LYPLAL1: variants seen among roughly 807,000 people sequenced by gnomAD.
LYPLAL1 encodes the protein lysophospholipase-like protein 1.
LYPLAL1 carries 23 observed loss-of-function variants against 19.7 expected under a neutral mutation model. That is an observed-to-expected ratio of 1.17 (90% CI 0.84 to 1.65). The LOEUF (loss-of-function observed/expected upper bound fraction) is 1.65, where lower values mean the gene tolerates loss of function less well. LYPLAL1 is among the 40% of genes most tolerant of loss of function. The probability of loss-of-function intolerance (pLI) is 0.00; values close to 1 mark genes in which losing one functional copy is unlikely to be tolerated. For missense variants in LYPLAL1, 355 were observed against 279.4 expected (o/e 1.27, Z -1.93); for synonymous variants, 119 against 96.3 (o/e 1.24, Z -1.38).
the LYPLAL1 span, among the ~76,000 whole-genome samples, chr1:219,383,604 T>C: frequency 6.6e-6 from 1 of 152,292 alleles, no homozygotes; most frequent in African/African-American, 2.4e-5. Context: ...ATACATTCAG[T>C]CAGTAGTTCA....
intron 2 of LYPLAL1, among the ~76,000 whole-genome samples, chr1:219,186,305 C>G (rs543665484): frequency 6.6e-6 from 1 of 151,840 alleles, no homozygotes; most frequent in South Asian, 2.1e-4. Flanking sequence ...TTCTGCGTGT[C>G]ACGTTCTATA....
the LYPLAL1 span, among the ~76,000 whole-genome samples, chr1:219,405,610 G>A: frequency 0.21 from 31,407 of 152,038 alleles, 3,586 homozygotes; most frequent in Middle Eastern, 0.36. Context: ...CCAGAACAGC[G>A]CATTACTATA....
At chr1:219,231,252 A>G in the LYPLAL1 span, among the ~76,000 whole-genome samples, 6 of 152,314 alleles carry the variant, frequency 3.9e-5, no homozygotes, top group African/African-American at 1.4e-4. Context: ...GAATGTAGAA[A>G]GGGTTGTTTG....
At chr1:219,408,659 G>T in the LYPLAL1 span, among the ~76,000 whole-genome samples, 1 of 152,106 alleles carries the variant, frequency 6.6e-6, no homozygotes, top group African/African-American at 2.4e-5. Context: ...TTCCAGGAGG[G>T]TATGCTTAAA....
At chr1:219,208,686 A>C (rs1658765183) in intron 3 of LYPLAL1, among the ~76,000 whole-genome samples, 1 of 152,014 alleles carries the variant, frequency 6.6e-6, no homozygotes, top group Non-Finnish European at 1.5e-5. Context: ...TCTTACCCTT[A>C]AGGGTTTCAA....
intron 1 of LYPLAL1, among the ~76,000 whole-genome samples, chr1:219,175,555 A>C (rs1300475600): frequency 6.6e-6 from 1 of 152,142 alleles, no homozygotes; most frequent in Non-Finnish European, 1.5e-5. Context: ...ATTTCAGATT[A>C]CATTTTTATA....
Position 219,211,636 on chromosome 1 carries a change from A to C in LYPLAL1, c.622A>C (p.Asn208His), listed in dbSNP as rs774144709. 2.5e-6 allele frequency: 4 copies of C among 1,613,494 alleles called. No individual in the cohort carries two copies. In the South Asian group the frequency reaches 4.4e-5, roughly 18 times the overall value. Residue 208 changes from asparagine to histidine, a missense_variant, in exon 5 of 5, where the codon AAT becomes CAT. Asn to His is a moderately conservative substitution (Grantham distance 68, BLOSUM62 1). Coordinates refer to ENST00000366928, the MANE Select transcript of LYPLAL1 (RefSeq NM_138794.5). The stretch of plus-strand genomic sequence containing the variant: ...GACCACGAAGTTTCATAGTTTTCCA[A>C]ATGTTTACCATGAGCTAAGCAAAAC... The part of the protein sequence containing the change: ...GVTTKFHSFP[N>H]VYHELSKTEL...
At chr1:219,289,190 A>G in the LYPLAL1 span, among the ~76,000 whole-genome samples, 2 of 151,194 alleles carry the variant, frequency 1.3e-5, no homozygotes, top group Non-Finnish European at 2.9e-5. Context: ...AGGAGGCGGC[A>G]GAGAAAAATT....
the LYPLAL1 span, among the ~76,000 whole-genome samples, chr1:219,434,750 G>A: frequency 5.3e-5 from 8 of 152,190 alleles, no homozygotes; most frequent in African/African-American, 1.9e-4. Context: ...TACAGGTGCT[G>A]TCTAAAAGGA....
chr1:219,200,986 T>G (rs577786579), intron 3 of LYPLAL1, among the ~76,000 whole-genome samples: 1 of 152,332 alleles, frequency 6.6e-6, no homozygotes, highest in South Asian at 2.1e-4. Context: ...ATTCTTACAT[T>G]TAGCTGAACT....
chr1:219,243,588 G>A, the LYPLAL1 span, among the ~76,000 whole-genome samples: 19 of 152,150 alleles, frequency 1.2e-4, no homozygotes, highest in South Asian at 2.5e-3. Context: ...AAAGGGAAAA[G>A]GAGGTGTGCC....
chr1:219,187,489 A>T (rs1162307365), intron 2 of LYPLAL1, among the ~76,000 whole-genome samples: 5 of 151,632 alleles, frequency 3.3e-5, no homozygotes, highest in Non-Finnish European at 7.4e-5. Context: ...CTATATTTAC[A>T]ATTAGAGATT....
the LYPLAL1 span, among the ~76,000 whole-genome samples, chr1:219,352,988 C>T: frequency 6.6e-6 from 1 of 152,204 alleles, no homozygotes; most frequent in Admixed American, 6.5e-5. Context: ...AACTGTCATG[C>T]GTAACTGGTA....
the LYPLAL1 span, among the ~76,000 whole-genome samples, chr1:219,348,935 C>T: frequency 6.6e-6 from 1 of 152,172 alleles, no homozygotes; most frequent in South Asian, 2.1e-4. Flanking sequence ...AATATAAAGG[C>T]AATCTCTACT....
the LYPLAL1 span, among the ~76,000 whole-genome samples, chr1:219,300,737 G>C: frequency 6.6e-6 from 1 of 151,706 alleles, no homozygotes; most frequent in Admixed American, 6.6e-5. Context: ...GGGTTTCACT[G>C]TGTTAGCCAA....
At chr1:219,279,788 T>G in the LYPLAL1 span, among the ~76,000 whole-genome samples, 1 of 152,110 alleles carries the variant, frequency 6.6e-6, no homozygotes, top group African/African-American at 2.4e-5. Context: ...TCAAAAGGAT[T>G]TTTCACAGTG....
the LYPLAL1 span, among the ~76,000 whole-genome samples, chr1:219,280,017 G>A: frequency 4.6e-5 from 7 of 152,238 alleles, no homozygotes; most frequent in East Asian, 7.7e-4. Flanking sequence ...TATAACAAAC[G>A]TTTCAACTTG....
downstream of LYPLAL1, among the ~76,000 whole-genome samples, chr1:219,215,856 C>G (rs1659273273): frequency 6.6e-6 from 1 of 152,134 alleles, no homozygotes; most frequent in Admixed American, 6.5e-5. Flanking sequence ...TATTATTTTG[C>G]CATGTGTTTC....
chr1:219,190,634 A>AAAC (rs1553299329), intron 2 of LYPLAL1, among the ~76,000 whole-genome samples: 1 of 150,210 alleles, frequency 6.7e-6, no homozygotes, highest in African/African-American at 2.4e-5. Flanking sequence ...AAAAAAAAAA[A>AAAC]AAAAAAAACC....
Sources: gnomAD v4.1 joint callset for allele counts (sites outside exome capture counted in the v4.1 genomes callset) on GRCh38, gnomAD v4.1.1 for gene constraint, MANE v1.5 for transcripts, NCBI Gene and HGNC (gene_info 2026-07-23, HGNC 2026-07-21) for gene names.